HDAC9: variants seen among roughly 807,000 people sequenced by gnomAD.
The protein encoded by HDAC9 is histone deacetylase 9.
In HDAC9, 41 loss-of-function variants were observed where a neutral mutation model predicts 139.4. That is an observed-to-expected ratio of 0.29 (90% confidence interval 0.23 to 0.38). HDAC9 has a LOEUF of 0.38. HDAC9 is among the 10% of genes least tolerant of loss of function. The pLI is 1.00. For missense variants in HDAC9, 1,147 were observed against 1,297.0 expected (o/e 0.88, Z 1.78); for synonymous variants, 517 against 476.2 (o/e 1.09, Z -1.12).
intron 22 of HDAC9, among the ~76,000 whole-genome samples, chr7:18,890,202 C>A (rs1239101200): frequency 6.6e-6 from 1 of 152,204 alleles, no homozygotes; most frequent in East Asian, 1.9e-4. Context: ...CTTATCATGT[C>A]CATGTGCCTC....
At chr7:18,274,887 T>G (rs1236507968) in intron 2 of HDAC9, among the ~76,000 whole-genome samples, 3 of 152,184 alleles carry the variant, frequency 2.0e-5, no homozygotes, top group Non-Finnish European at 4.4e-5. Flanking sequence ...AATTCAGAAT[T>G]TCAGAACAGA....
At chr7:18,897,727 T>C (rs1388368510) in intron 22 of HDAC9, among the ~76,000 whole-genome samples, 1 of 151,716 alleles carries the variant, frequency 6.6e-6, no homozygotes, top group Admixed American at 6.6e-5. Flanking sequence ...TCATTATATG[T>C]GTAGAATGAG....
rs149621606 is a variant in HDAC9, at chr7:18,127,871, A to G, written c.-96-34358A>G. Reference sequence around the variant, plus strand: ...GATTTCTTTTGCTTTTGATTCTTGTATACTAAACAAATTTTGAAGACAATT... The same window carrying G: ...GATTTCTTTTGCTTTTGATTCTTGTGTACTAAACAAATTTTGAAGACAATT... On this transcript the variant is annotated intron_variant, in intron 1 of 12. Transcript: ENST00000417496. 2.6e-3 allele frequency among the ~76,000 whole-genome samples: 391 copies of G among 152,060 alleles called. 3 individuals carry two copies. Among genetic ancestry groups the G allele is most frequent in the African/African-American group, 8.5e-3 (354 of 41,532 alleles).
At chr7:18,822,495 C>T (rs185367383) in intron 17 of HDAC9, among the ~76,000 whole-genome samples, 18 of 152,288 alleles carry the variant, frequency 1.2e-4, no homozygotes, top group Non-Finnish European at 1.6e-4. Flanking sequence ...GTTGGGATTA[C>T]AGGTTCCCGC....
At chr7:18,616,989 C>T (rs1182927799) in intron 6 of HDAC9, among the ~76,000 whole-genome samples, 2 of 152,114 alleles carry the variant, frequency 1.3e-5, no homozygotes, top group East Asian at 3.9e-4. Flanking sequence ...CAATGTGATT[C>T]CCTAAAGAAA....
At chr7:18,959,067 A>G (rs1783350554) in intron 24 of HDAC9, among the ~76,000 whole-genome samples, 1 of 152,086 alleles carries the variant, frequency 6.6e-6, no homozygotes, top group South Asian at 2.1e-4. Flanking sequence ...AACCCACCCT[A>G]GTGATTTACA....
At chr7:18,953,996 A>G (rs959810582) in intron 23 of HDAC9, 150 bp from the exon 24 acceptor site, 7 of 601,856 alleles carry the variant, frequency 1.2e-5, no homozygotes, top group Non-Finnish European at 2.0e-5. Context: ...AAAACTGGCT[A>G]CACTTCTAGA....
chr7:18,857,335 T>TGTG (rs1797759664), intron 21 of HDAC9, among the ~76,000 whole-genome samples: 2 of 140,892 alleles, frequency 1.4e-5, no homozygotes, highest in Admixed American at 7.1e-5. Context: ...TATGTTTTAG[T>TGTG]TGTGTGTGTG....
chr7:18,585,232 C>A lies in HDAC9; in HGVS notation c.23-49C>A, dbSNP rs368420668. 3.1e-6 allele frequency: 5 copies of A among 1,587,634 alleles called. No individual in the cohort carries two copies. In the African/African-American group the frequency reaches 4.1e-5, roughly 13 times the overall value. On this transcript the variant is annotated intron_variant, in intron 2 of 25. Transcript: ENST00000686413. ...CCAAATCAATGTGCTAATTTCCAATCTTCTATTACCCTCCCCCACCCCATT... is the reference window on the plus strand; with the variant it reads ...CCAAATCAATGTGCTAATTTCCAATATTCTATTACCCTCCCCCACCCCATT...
At chr7:18,136,820 G>GT (rs1247179916) in intron 1 of HDAC9, among the ~76,000 whole-genome samples, 3 of 151,776 alleles carry the variant, frequency 2.0e-5, no homozygotes, top group Non-Finnish European at 4.4e-5. Flanking sequence ...CTTTAAAGTA[G>GT]TTTTTTCCAA....
At chr7:18,859,016 G>A (rs533512477) in intron 21 of HDAC9, among the ~76,000 whole-genome samples, 105 of 152,204 alleles carry the variant, frequency 6.9e-4, no homozygotes, top group Non-Finnish European at 1.2e-3. Context: ...TCAAGCTTCC[G>A]AGAACGTGAT....
intron 2 of HDAC9, among the ~76,000 whole-genome samples, chr7:18,562,422 A>G (rs2055327700): frequency 6.6e-6 from 1 of 152,132 alleles, no homozygotes; most frequent in Admixed American, 6.5e-5. Context: ...ATTTTCTTGT[A>G]GTTTTAACTC....
At chr7:18,751,158 A>T (rs1178166) in intron 14 of HDAC9, among the ~76,000 whole-genome samples, 2,217 of 152,016 alleles carry the variant, frequency 0.015, 16 homozygotes, top group Non-Finnish European at 0.024. Context: ...CATTATTTTC[A>T]TTCTTTATTA....
At chr7:18,092,909 C>T (rs1782257485) in intron 1 of HDAC9, among the ~76,000 whole-genome samples, 1 of 152,124 alleles carries the variant, frequency 6.6e-6, no homozygotes, top group South Asian at 2.1e-4. Flanking sequence ...TAATTAGTCC[C>T]TAAATATATT....
At chr7:18,669,922 G>C (rs1017900577) in intron 12 of HDAC9, among the ~76,000 whole-genome samples, 8 of 151,926 alleles carry the variant, frequency 5.3e-5, no homozygotes, top group African/African-American at 1.4e-4. Context: ...ATCTGAGAAA[G>C]ATAGTCTTCT....
At chr7:18,128,002 A>G (rs1562649121) in intron 1 of HDAC9, among the ~76,000 whole-genome samples, 1 of 152,122 alleles carries the variant, frequency 6.6e-6, no homozygotes. Context: ...AAAAGGTAAC[A>G]CTTTTACAAT....
intron 1 of HDAC9, among the ~76,000 whole-genome samples, chr7:18,118,044 T>C (rs540929346): frequency 3.3e-5 from 5 of 152,300 alleles, no homozygotes; most frequent in African/African-American, 1.2e-4. Context: ...GTGATGAGGA[T>C]CTTAAACTCC....
intron 2 of HDAC9, among the ~76,000 whole-genome samples, chr7:18,169,859 T>C (rs767476192): frequency 2.6e-5 from 4 of 152,226 alleles, no homozygotes; most frequent in Non-Finnish European, 5.9e-5. Flanking sequence ...CAGTCTATCA[T>C]TGATGGACAT....
At chr7:18,971,064 C>T (rs887646629) in intron 24 of HDAC9, among the ~76,000 whole-genome samples, 5 of 152,190 alleles carry the variant, frequency 3.3e-5, no homozygotes, top group African/African-American at 1.2e-4. Flanking sequence ...GATGCCCTCT[C>T]CTGGGTCTTG....
Sources: gnomAD v4.1 joint callset for allele counts (sites outside exome capture counted in the v4.1 genomes callset) on GRCh38, gnomAD v4.1.1 for gene constraint, MANE v1.5 for transcripts, NCBI Gene and HGNC (gene_info 2026-07-23, HGNC 2026-07-21) for gene names.